ARHGEF38: variants seen among roughly 807,000 people sequenced by gnomAD.
ARHGEF38 encodes Rho guanine nucleotide exchange factor (GEF) 38.
In ARHGEF38, 79 loss-of-function variants were observed where a neutral mutation model predicts 79.9. That is an observed-to-expected ratio of 0.99 (90% CI 0.82 to 1.19). ARHGEF38 has a LOEUF of 1.19. Among genes scored for constraint, ARHGEF38 ranks in the 50% most tolerant of loss-of-function variants. The pLI, the probability that ARHGEF38 is intolerant of heterozygous loss-of-function variation, is 0.00. For missense variants in ARHGEF38, 962 were observed against 907.2 expected, an observed-to-expected ratio of 1.06 and a Z score of -0.78; for synonymous variants, 366 against 328.3, an observed-to-expected ratio of 1.11 and a Z score of -1.24.
chr4:105,606,302 G>A (rs943932526), intron 2 of ARHGEF38, among the ~76,000 whole-genome samples: 1 of 152,024 alleles, frequency 6.6e-6, no homozygotes, highest in African/African-American at 2.4e-5. Context: ...GGCAATCACC[G>A]TGACCCTTGA....
chr4:105,672,417 T>C (rs17036090), intron 13 of ARHGEF38, among the ~76,000 whole-genome samples: 7,605 of 152,318 alleles, frequency 0.05, 225 homozygotes, highest in Middle Eastern at 0.13. Flanking sequence ...AGCTAGTGGA[T>C]ATTCACAACC....
chr4:105,625,695 G>C (rs1728914818), intron 3 of ARHGEF38, among the ~76,000 whole-genome samples: 1 of 152,176 alleles, frequency 6.6e-6, no homozygotes. Context: ...CCCACTGTGG[G>C]CTTTAATTAC....
chr4:105,675,133 G>A (rs1316523011), intron 13 of ARHGEF38, among the ~76,000 whole-genome samples: 4 of 152,052 alleles, frequency 2.6e-5, no homozygotes, highest in Admixed American at 1.3e-4. Flanking sequence ...CAATATACTA[G>A]AAACTCCAGT....
intron 4 of ARHGEF38, among the ~76,000 whole-genome samples, chr4:105,633,526 A>G (rs564821207): frequency 1.6e-4 from 24 of 152,232 alleles, no homozygotes; most frequent in Admixed American, 1.1e-3. Context: ...GCAGTTGCCA[A>G]TTTCTAATGA....
intron 1 of ARHGEF38, among the ~76,000 whole-genome samples, chr4:105,571,745 T>A (rs900125477): frequency 6.6e-6 from 1 of 152,250 alleles, no homozygotes; most frequent in Admixed American, 6.5e-5. Context: ...CACACATATG[T>A]TCCTTTTCGA....
intron 3 of ARHGEF38, among the ~76,000 whole-genome samples, chr4:105,616,017 T>G (rs570305007): frequency 6.6e-6 from 1 of 152,306 alleles, no homozygotes; most frequent in African/African-American, 2.4e-5. Context: ...TCATGACCTA[T>G]GAGAGGCATG....
At chr4:105,651,024 C>G (rs968317505) in intron 7 of ARHGEF38, among the ~76,000 whole-genome samples, 4 of 152,156 alleles carry the variant, frequency 2.6e-5, no homozygotes, top group East Asian at 1.9e-4. Context: ...ATTCCCCCCC[C>G]AAGTCTTTGG....
At chr4:105,615,131 G>A (rs1203244643) in intron 3 of ARHGEF38, among the ~76,000 whole-genome samples, 1 of 152,196 alleles carries the variant, frequency 6.6e-6, no homozygotes, top group East Asian at 1.9e-4. Context: ...TTTAGGAAAT[G>A]AAGAGTGATC....
Position 105,679,144 on chromosome 4 carries a change from T to C in ARHGEF38, c.*1207T>C, listed in dbSNP as rs1731221134. 1 of 572,788 alleles carries C rather than the reference T, an allele frequency of 1.7e-6. No homozygotes were observed. Among genetic ancestry groups the C allele is most frequent in the Non-Finnish European group, 2.9e-6 (1 of 342,002 alleles). The allele number at this position is 572,788 out of a possible 1,614,324, so 35.5% of individuals were successfully genotyped here. ...TGCCGACTTTCCTGAGCAACTGCTT[T>C]GTCGACTCTCTCTACCTGACCAATT... On this transcript the variant is annotated 3_prime_UTR_variant, in exon 14 of 14. Coordinates refer to ENST00000420470, the MANE Select transcript of ARHGEF38 (RefSeq NM_001242729.2).
chr4:105,609,226 T>C (rs2110486164), intron 2 of ARHGEF38, among the ~76,000 whole-genome samples: 1 of 152,092 alleles, frequency 6.6e-6, no homozygotes, highest in East Asian at 1.9e-4. Context: ...TAGCCAGTTT[T>C]TCTAGAACCA....
intron 13 of ARHGEF38, among the ~76,000 whole-genome samples, chr4:105,673,848 T>C (rs1241146291): frequency 6.6e-6 from 1 of 152,152 alleles, no homozygotes; most frequent in Non-Finnish European, 1.5e-5. Flanking sequence ...TTAAAACATA[T>C]AATTGTTAAG....
intron 3 of ARHGEF38, among the ~76,000 whole-genome samples, chr4:105,620,011 A>T (rs1728675851): frequency 6.6e-6 from 1 of 152,194 alleles, no homozygotes; most frequent in South Asian, 2.1e-4. Flanking sequence ...ATAAACTATG[A>T]AGAAAATTTT....
chr4:105,586,943 T>C lies in ARHGEF38; in HGVS notation c.197-2305T>C, dbSNP rs147894313. On this transcript the variant is annotated intron_variant, in intron 1 of 13. Coordinates refer to ENST00000420470, the MANE Select transcript of ARHGEF38 (RefSeq NM_001242729.2). ...CAATCATTTCACTATGTATAATACA[T>C]CAAAATATTATGTTGTACATCTTGA... Among the ~76,000 whole-genome samples, 87 of 122,816 alleles carry C rather than the reference T, an allele frequency of 7.1e-4. 1 individual carries two copies. In the East Asian group the frequency reaches 0.019, roughly 27 times the overall value. The allele number at this position is 122,816 out of a possible 152,430, so 80.6% of individuals were successfully genotyped here.
intron 3 of ARHGEF38, among the ~76,000 whole-genome samples, chr4:105,622,682 T>C (rs549093251): frequency 6.6e-6 from 1 of 152,292 alleles, no homozygotes; most frequent in East Asian, 1.9e-4. Context: ...CCTCTTCCCT[T>C]CACAATGCTC....
chr4:105,588,337 G>C (rs879726069), intron 1 of ARHGEF38, among the ~76,000 whole-genome samples: 1 of 152,202 alleles, frequency 6.6e-6, no homozygotes, highest in Admixed American at 6.5e-5. Flanking sequence ...CAACTGCAGA[G>C]ACTAAGATGA....
In ARHGEF38 at chr4:105,679,863, C is replaced by G; in HGVS notation, c.*1926C>G. ...GGAGGAGAACTTTGAATCACCAGGT[C>G]AACTACAGGAATGTCCAAACCACGA... On this transcript the variant is annotated 3_prime_UTR_variant, in exon 14 of 14. Transcript: ENST00000420470. The G allele has an allele frequency of 7.0e-7, 1 of 1,426,332 alleles. No homozygotes were observed. Among genetic ancestry groups the G allele is most frequent in the South Asian group, 1.1e-5 (1 of 87,042 alleles). The allele number at this position is 1,426,332 out of a possible 1,614,324, so 88.4% of individuals were successfully genotyped here. A position where few individuals can be genotyped will look rare whatever the true frequency, so the allele number is the denominator to read the frequency against.
At chr4:105,557,072 C>T (rs943141203) in intron 1 of ARHGEF38, among the ~76,000 whole-genome samples, 1 of 152,016 alleles carries the variant, frequency 6.6e-6, no homozygotes, top group African/African-American at 2.4e-5. Context: ...ATAGAAATTA[C>T]CTAAATACAA....
At position 105,677,890 on chromosome 4, in the gene ARHGEF38, A is replaced by G. The variant is rs1007126666; in HGVS notation, c.2287A>G (p.Lys763Glu). 9 of 1,534,406 alleles carry G rather than the reference A, an allele frequency of 5.9e-6. No individual in the cohort carries two copies. The African/African-American group carries it at 8.2e-5, about 14-fold the overall frequency. The change falls in exon 14 of 14, where the codon AAA becomes GAA. Residue 763 changes from lysine to glutamate, a missense_variant. Transcript: ENST00000420470. ...EWWLAEAQGQKGYVPANYLGK... is the reference protein window; with the variant it reads ...EWWLAEAQGQEGYVPANYLGK... ...GTGGTTAGCTGAAGCTCAAGGGCAG[A>G]AAGGATACGTGCCAGCTAACTACCT...
chr4:105,648,776 T>G, intron 7 of ARHGEF38, 94 bp downstream of exon 7: 4 of 1,265,648 alleles, frequency 3.2e-6, no homozygotes, highest in Non-Finnish European at 4.2e-6. Flanking sequence ...ATTTCTAGAA[T>G]ACTGAGAATC....
Sources: gnomAD v4.1 joint callset for allele counts (sites outside exome capture counted in the v4.1 genomes callset) on GRCh38, gnomAD v4.1.1 for gene constraint, MANE v1.5 for transcripts, NCBI Gene and HGNC (gene_info 2026-07-23, HGNC 2026-07-21) for gene names.